The following ADAM10 variants were observed in gnomAD, a reference collection of about 807,000 sequenced individuals.
ADAM10 encodes ADAM metallopeptidase domain 10.
In ADAM10, 17 loss-of-function variants were observed where a neutral mutation model predicts 90.1. The ratio of observed to expected loss-of-function variants is 0.19; its 90% CI spans 0.13 to 0.28. ADAM10 has a LOEUF of 0.28. ADAM10 is among the 10% of genes least tolerant of loss of function. ADAM10 has a pLI of 1.00. For missense variants in ADAM10, 610 were observed against 914.3 expected (o/e 0.67, Z 4.29); for synonymous variants, 310 against 298.6 (o/e 1.04, Z -0.40).
chr15:58,593,721 A>G lies in ADAM10; in HGVS notation c.*3826T>C, dbSNP rs1444384398. The G allele has an allele frequency of 6.6e-6, 1 of 152,102 alleles. No individual in the cohort carries two copies. The highest frequency in any genetic ancestry group is 2.4e-5 in the African/African-American group (1 of 41,414). 9.4% of individuals were successfully genotyped at this position (152,102 alleles called of 1,614,324 possible). A position where few individuals can be genotyped will look rare whatever the true frequency, so the allele number is the denominator to read the frequency against. ...CAGGAAAAAGCAAAAACTAATCAGT[A>G]TTTTGCTCAATGCTCCGTTTTACCT... On this transcript the variant is annotated 3_prime_UTR_variant, in exon 16 of 16. Transcript: ENST00000260408.
intron 1 of ADAM10, among the ~76,000 whole-genome samples, chr15:58,722,800 AGGCTCACTGTAGCCTTGACCTCCAG>A (rs1308833882): frequency 6.7e-6 from 1 of 149,292 alleles, no homozygotes; most frequent in East Asian, 2.0e-4. Context: ...AGCACTATCA[AGGCTCACTGTAGCCTTGACCTCCAG>A]GGCTCAGGTG....
intron 15 of ADAM10, among the ~76,000 whole-genome samples, chr15:58,598,154 G>C (rs760634312): frequency 4.6e-5 from 7 of 152,178 alleles, no homozygotes; most frequent in African/African-American, 7.2e-5. Context: ...AACGTATATA[G>C]CCTGTTGTAA....
intron 11 of ADAM10, among the ~76,000 whole-genome samples, chr15:58,616,146 G>A (rs1398693554): frequency 6.6e-6 from 1 of 152,162 alleles, no homozygotes; most frequent in African/African-American, 2.4e-5. Flanking sequence ...AATACTATTA[G>A]ATCTAAAGAG....
intron 2 of ADAM10, among the ~76,000 whole-genome samples, chr15:58,710,276 T>C (rs982815935): frequency 4.6e-5 from 7 of 152,156 alleles, no homozygotes; most frequent in African/African-American, 1.7e-4. Flanking sequence ...GAAAATAAAA[T>C]TGATATTTCA....
chr15:58,644,674 T>C (rs1373300820), intron 6 of ADAM10, among the ~76,000 whole-genome samples: 4 of 152,254 alleles, frequency 2.6e-5, no homozygotes, highest in African/African-American at 9.6e-5. Flanking sequence ...CAAACATTTT[T>C]ATAAGAACTT....
intron 1 of ADAM10, among the ~76,000 whole-genome samples, chr15:58,721,744 G>A (rs1489635032): frequency 2.6e-5 from 4 of 152,040 alleles, no homozygotes; most frequent in African/African-American, 9.7e-5. Context: ...AATTAGCCAG[G>A]TGGCCGGGTG....
At chr15:58,665,593 AG>A (rs1348782807) in intron 4 of ADAM10, among the ~76,000 whole-genome samples, 1 of 152,090 alleles carries the variant, frequency 6.6e-6, no homozygotes, top group African/African-American at 2.4e-5. Context: ...GGAGGACTCT[AG>A]CAAATATAAA....
intron 2 of ADAM10, among the ~76,000 whole-genome samples, chr15:58,705,211 C>T (rs1236976012): frequency 2.6e-5 from 4 of 152,140 alleles, no homozygotes; most frequent in Non-Finnish European, 5.9e-5. Flanking sequence ...ACTACACCGT[C>T]ATCAAAAATA....
intron 2 of ADAM10, among the ~76,000 whole-genome samples, chr15:58,696,181 C>T (rs11856657): frequency 0.66 from 99,754 of 151,686 alleles, 32,840 homozygotes; most frequent in Non-Finnish European, 0.68. Context: ...CCCAGCACTT[C>T]GAGAGGCTAA....
chr15:58,692,780 C>T (rs960311113), intron 2 of ADAM10: 4 of 616,798 alleles, frequency 6.5e-6, no homozygotes, highest in African/African-American at 3.7e-5. Context: ...ACTTTCTCTG[C>T]CACCAGGTAG....
chr15:58,643,098 T>C (rs992092788), intron 7 of ADAM10, among the ~76,000 whole-genome samples: 3 of 152,114 alleles, frequency 2.0e-5, no homozygotes, highest in Non-Finnish European at 4.4e-5. Context: ...TTATTTAGCA[T>C]ATAAATACTG....
intron 7 of ADAM10, among the ~76,000 whole-genome samples, chr15:58,643,170 A>G (rs1408582041): frequency 2.0e-5 from 3 of 152,138 alleles, no homozygotes; most frequent in Non-Finnish European, 4.4e-5. Flanking sequence ...AAAATAGCCT[A>G]AATTTGTCAG....
intron 1 of ADAM10, among the ~76,000 whole-genome samples, chr15:58,737,591 G>T (rs1899472472): frequency 6.6e-6 from 1 of 152,108 alleles, no homozygotes; most frequent in Non-Finnish European, 1.5e-5. Context: ...GTATCTCATA[G>T]AGATGCTGTG....
intron 2 of ADAM10, chr15:58,686,360 C>A: frequency 1.3e-6 from 1 of 749,756 alleles, no homozygotes; most frequent in Non-Finnish European, 2.3e-6. Context: ...CAAACCTATC[C>A]TAATAAAGCT....
intron 1 of ADAM10, among the ~76,000 whole-genome samples, chr15:58,737,658 G>T (rs1320145016): frequency 6.6e-6 from 1 of 152,148 alleles, no homozygotes; most frequent in African/African-American, 2.4e-5. Flanking sequence ...CTGGCATTAA[G>T]TACCCCAACA....
At chr15:58,634,858 T>C (rs1896206680) in intron 8 of ADAM10, among the ~76,000 whole-genome samples, 1 of 152,024 alleles carries the variant, frequency 6.6e-6, no homozygotes, top group Non-Finnish European at 1.5e-5. Flanking sequence ...CTTCCCATTC[T>C]CCCCACTTCA....
intron 3 of ADAM10, among the ~76,000 whole-genome samples, chr15:58,681,215 G>T (rs1349935133): frequency 6.6e-6 from 1 of 152,154 alleles, no homozygotes; most frequent in Non-Finnish European, 1.5e-5. Flanking sequence ...TATTTGCCCA[G>T]AAAGATAAAT....
At chr15:58,670,727 T>C (rs1445000225) in intron 4 of ADAM10, among the ~76,000 whole-genome samples, 1 of 152,150 alleles carries the variant, frequency 6.6e-6, no homozygotes, top group Non-Finnish European at 1.5e-5. Flanking sequence ...CAAGAATACT[T>C]AATTTACTTA....
chr15:58,719,151 C>G lies in ADAM10; in HGVS notation c.56-1424G>C, dbSNP rs1898762543. 4.6e-5 allele frequency among the ~76,000 whole-genome samples: 7 copies of G among 152,064 alleles called. No homozygotes were observed. In the South Asian group the frequency reaches 1.5e-3, roughly 32 times the overall value. Reference sequence around the variant, plus strand: ...CCAGCCTGACCAACATGGTGAAACCCTATCTCTACTAAAAATACAAAAACT... The same window carrying G: ...CCAGCCTGACCAACATGGTGAAACCGTATCTCTACTAAAAATACAAAAACT... On this transcript the variant is annotated intron_variant, in intron 1 of 15. Transcript: ENST00000260408.
Sources: allele counts gnomAD v4.1 joint callset (sites outside exome capture counted in the v4.1 genomes callset), GRCh38; gene constraint gnomAD v4.1.1; transcripts MANE v1.5; gene names NCBI Gene and HGNC (gene_info 2026-07-23, HGNC 2026-07-21).